CRKL: variants seen among roughly 807,000 people sequenced by gnomAD.
CRKL encodes the protein CRK like proto-oncogene, adaptor protein.
Under a neutral mutation model 23.0 loss-of-function variants are expected in CRKL, and 3 were observed. That is an observed-to-expected ratio of 0.13 (90% confidence interval 0.06 to 0.34). The LOEUF (loss-of-function observed/expected upper bound fraction) is 0.34, where lower values mean the gene tolerates loss of function less well. Among genes scored for constraint, CRKL ranks in the 10% least tolerant of loss-of-function variants. The pLI is 1.00. For missense variants in CRKL, 256 were observed against 394.5 expected (o/e 0.65, Z 2.97); for synonymous variants, 188 against 160.7 (o/e 1.17, Z -1.28).
intron 1 of CRKL, among the ~76,000 whole-genome samples, chr22:20,930,648 G>A (rs1921411451): frequency 6.7e-6 from 1 of 149,062 alleles, no homozygotes; most frequent in Non-Finnish European, 1.5e-5. Context: ...TCCCAGTGTT[G>A]GGATTACAGG....
intron 2 of CRKL, among the ~76,000 whole-genome samples, chr22:20,944,993 A>T: frequency 6.6e-6 from 1 of 151,244 alleles, no homozygotes; most frequent in African/African-American, 2.4e-5. Context: ...GCCTGGAATT[A>T]CTTTCTTTCT....
At position 20,932,972 on chromosome 22, in the gene CRKL, C is replaced by T. The variant is rs1049444497; in HGVS notation, c.312-807C>T. Among the ~76,000 whole-genome samples, 65 of 151,962 alleles carry T rather than the reference C, an allele frequency of 4.3e-4. 1 individual carries two copies. Among genetic ancestry groups the T allele is most frequent in the African/African-American group, 1.5e-3 (63 of 41,452 alleles). ...TTGCACATCTGTAATCTCAGCTACTCGGGAGGCTGAGGCAGAAAAATCACT... is the reference window on the plus strand; with the variant it reads ...TTGCACATCTGTAATCTCAGCTACTTGGGAGGCTGAGGCAGAAAAATCACT... On this transcript the variant is annotated intron_variant, in intron 1 of 2. Coordinates refer to ENST00000354336, the MANE Select transcript of CRKL (RefSeq NM_005207.4).
At chr22:20,939,233 C>CTTTTTTTTTTTTTTTTTTTTTTTTTTT (rs140538861) in intron 2 of CRKL, among the ~76,000 whole-genome samples, 1 of 75,150 alleles carries the variant, frequency 1.3e-5, no homozygotes, top group Non-Finnish European at 2.3e-5. Context: ...ACATAAGTTG[C>CTTTTTTTTTTTTTTTTTTTTTTTTTTT]TTTTTTTTTT....
chr22:20,950,730 A>C lies in CRKL; in HGVS notation c.*885A>C. On this transcript the variant is annotated 3_prime_UTR_variant, in exon 3 of 3. Coordinates refer to ENST00000354336, the MANE Select transcript of CRKL (RefSeq NM_005207.4). ...CGCCTGGCCTAGACTTGTGTGTTCTAAACAGGTTAAGTAGCAGGTTGGGTT... is the reference window on the plus strand; with the variant it reads ...CGCCTGGCCTAGACTTGTGTGTTCTCAACAGGTTAAGTAGCAGGTTGGGTT... 4.5e-6 allele frequency: 1 copy of C among 223,162 alleles called. No individual in the cohort carries two copies. The highest frequency in any genetic ancestry group is 1.8e-4 in the South Asian group (1 of 5,434). The allele number at this position is 223,162 out of a possible 1,614,324, so 13.8% of individuals were successfully genotyped here. A position where few individuals can be genotyped will look rare whatever the true frequency, so the allele number is the denominator to read the frequency against.
intron 2 of CRKL, among the ~76,000 whole-genome samples, chr22:20,944,139 C>CTTTTTTTTT (rs57177824): frequency 4.7e-5 from 5 of 105,858 alleles, no homozygotes; most frequent in Non-Finnish European, 7.4e-5. Flanking sequence ...GTAGTATTAG[C>CTTTTTTTTT]TTTTTTTTTT....
Position 20,952,026 on chromosome 22 carries a change from C to T in CRKL, c.*2181C>T, listed in dbSNP as rs1922298381. 4.4e-6 allele frequency: 1 copy of T among 224,970 alleles called. No homozygotes were observed. Among genetic ancestry groups the T allele is most frequent in the South Asian group, 1.8e-4 (1 of 5,450 alleles). The allele number at this position is 224,970 out of a possible 1,614,324, so 13.9% of individuals were successfully genotyped here. Reference sequence around the variant, plus strand: ...AGTGGCAGACATATCACAAGAGTCCCCAGACTCTGCCTAGAAACAGTGTTT... The same window carrying T: ...AGTGGCAGACATATCACAAGAGTCCTCAGACTCTGCCTAGAAACAGTGTTT... On this transcript the variant is annotated 3_prime_UTR_variant, in exon 3 of 3. Coordinates refer to ENST00000354336, the MANE Select transcript of CRKL (RefSeq NM_005207.4).
At chr22:20,937,430 C>A (rs770445841) in intron 2 of CRKL, among the ~76,000 whole-genome samples, 6 of 149,252 alleles carry the variant, frequency 4.0e-5, no homozygotes, top group Non-Finnish European at 1.5e-5. Flanking sequence ...GCCTGTTGAC[C>A]TCTGGCTCTA....
chr22:20,940,977 A>T (rs903181944), intron 2 of CRKL, among the ~76,000 whole-genome samples: 2 of 152,060 alleles, frequency 1.3e-5, no homozygotes, highest in Non-Finnish European at 2.9e-5. Flanking sequence ...TGGACTTTGT[A>T]TTGGACTCAT....
intron 1 of CRKL, among the ~76,000 whole-genome samples, chr22:20,933,538 G>A (rs1921542028): frequency 6.9e-6 from 1 of 144,282 alleles, no homozygotes; most frequent in Non-Finnish European, 1.5e-5. Context: ...CGTGGTAGTG[G>A]GCGCCTGTAA....
At chr22:20,930,874 G>A (rs1266045395) in intron 1 of CRKL, among the ~76,000 whole-genome samples, 2 of 150,232 alleles carry the variant, frequency 1.3e-5, no homozygotes, top group Non-Finnish European at 3.0e-5. Context: ...TAGAGAGACA[G>A]GGTTTCACCG....
chr22:20,927,230 G>A (rs1250176053), intron 1 of CRKL, among the ~76,000 whole-genome samples: 16 of 88,604 alleles, frequency 1.8e-4, no homozygotes, highest in Non-Finnish European at 2.5e-4. Flanking sequence ...TCGCTCTGTC[G>A]CCCAGGCTGA....
Position 20,951,906 on chromosome 22 carries a change from C to G in CRKL, c.*2061C>G, listed in dbSNP as rs189274432. 1 of 222,566 alleles carries G rather than the reference C, an allele frequency of 4.5e-6. No homozygotes were observed. The highest frequency in any genetic ancestry group is 9.0e-6 in the Non-Finnish European group (1 of 111,434). The allele number at this position is 222,566 out of a possible 1,614,324, so 13.8% of individuals were successfully genotyped here. ...CTTCCTTGCCAGTGAGAACGGTGAC[C>G]GCCTCCTGCTCTGCACGGTCTGCGG... On this transcript the variant is annotated 3_prime_UTR_variant, in exon 3 of 3. Coordinates refer to ENST00000354336, the MANE Select transcript of CRKL (RefSeq NM_005207.4).
At position 20,933,752 on chromosome 22, in the gene CRKL, T is replaced by G. The variant is rs1370615402; in HGVS notation, c.312-27T>G. 5.1e-6 allele frequency: 8 copies of G among 1,563,254 alleles called. No homozygotes were observed. In the Admixed American group the frequency reaches 1.5e-4, roughly 28 times the overall value. On this transcript the variant is annotated intron_variant, in intron 1 of 2. Transcript: ENST00000354336. ...ACTGGCTTAGAGTAAGATTTTTCTC[T>G]TAGAGTAATTTTCTTTCTCTCTTAA...
chr22:20,932,669 ATG>A (rs1481725017), intron 1 of CRKL, among the ~76,000 whole-genome samples: 1 of 152,124 alleles, frequency 6.6e-6, no homozygotes, highest in African/African-American at 2.4e-5. Flanking sequence ...GATGGAGTGT[ATG>A]TGTGTGTGTA....
At position 20,952,840 on chromosome 22, in the gene CRKL, A is replaced by C. The variant is rs1922329089; in HGVS notation, c.*2995A>C. On this transcript the variant is annotated 3_prime_UTR_variant, in exon 3 of 3. Coordinates refer to ENST00000354336, the MANE Select transcript of CRKL (RefSeq NM_005207.4). ...GTCAGCCATGTCTGTGCTGTGTGGA[A>C]CCACCTGATGACATGGTTAACGAGG... The C allele has an allele frequency of 4.3e-6, 1 of 231,836 alleles. No individual in the cohort carries two copies. Among genetic ancestry groups the C allele is most frequent in the African/African-American group, 2.2e-5 (1 of 45,274 alleles). 14.4% of individuals were successfully genotyped at this position (231,836 alleles called of 1,614,324 possible).
chr22:20,934,029 G>A lies in CRKL; in HGVS notation c.562G>A (p.Gly188Arg), dbSNP rs746219908. 8 of 1,614,030 alleles carry A rather than the reference G, an allele frequency of 5.0e-6. No individual in the cohort carries two copies. The highest frequency in any genetic ancestry group is 2.2e-5 in the South Asian group (2 of 91,082). The change falls in exon 2 of 3, where the codon GGA (glycine) becomes AGA (arginine). Residue 188 changes from glycine (G) to arginine (R), a missense_variant. Physicochemically the swap from Gly to Arg is moderately radical, Grantham distance 125. Coordinates refer to ENST00000354336, the MANE Select transcript of CRKL (RefSeq NM_005207.4). ...AAAGCTTGTGAGATCCTCACCACACGGAAAGCATGGAAATAGGAATTCCAA... is the reference window on the plus strand; with the variant it reads ...AAAGCTTGTGAGATCCTCACCACACAGAAAGCATGGAAATAGGAATTCCAA... ...VEKLVRSSPH[G>R]KHGNRNSNSY...
chr22:20,951,848 G>A lies in CRKL; in HGVS notation c.*2003G>A, dbSNP rs921592058. The A allele has an allele frequency of 9.0e-6, 2 of 222,436 alleles. No homozygotes were observed. Among genetic ancestry groups the A allele is most frequent in the Non-Finnish European group, 1.8e-5 (2 of 111,332 alleles). 13.8% of individuals were successfully genotyped at this position (222,436 alleles called of 1,614,324 possible). A position where few individuals can be genotyped will look rare whatever the true frequency, so the allele number is the denominator to read the frequency against. Reference sequence around the variant, plus strand: ...AAACTATCGCCATGGCTTCCCATCTGTGGTTTTCCTCTAAAAGCCTTGGAG... The same window carrying A: ...AAACTATCGCCATGGCTTCCCATCTATGGTTTTCCTCTAAAAGCCTTGGAG... On this transcript the variant is annotated 3_prime_UTR_variant, in exon 3 of 3. Transcript: ENST00000354336.
chr22:20,949,939 T>C lies in CRKL; in HGVS notation c.*94T>C, dbSNP rs769177194. The stretch of plus-strand genomic sequence containing the variant: ...ATTTTCTCTCATAGGCAAGTCACAC[T>C]GCATTGCCGAAGTCCAGCTTTCTGC... On this transcript the variant is annotated 3_prime_UTR_variant, in exon 3 of 3. Transcript: ENST00000354336. 1.3e-6 allele frequency: 2 copies of C among 1,482,760 alleles called. No homozygotes were observed. The highest frequency in any genetic ancestry group is 1.8e-6 in the Non-Finnish European group (2 of 1,115,096). The allele number at this position is 1,482,760 out of a possible 1,614,324, so 91.9% of individuals were successfully genotyped here.
chr22:20,940,336 A>G (rs1921825828), intron 2 of CRKL, among the ~76,000 whole-genome samples: 1 of 152,144 alleles, frequency 6.6e-6, no homozygotes, highest in Admixed American at 6.6e-5. Flanking sequence ...ACCATCTGTT[A>G]GCTAATCGCA....
Sources: allele counts gnomAD v4.1 joint callset (sites outside exome capture counted in the v4.1 genomes callset), GRCh38; gene constraint gnomAD v4.1.1; transcripts MANE v1.5; gene names NCBI Gene and HGNC (gene_info 2026-07-23, HGNC 2026-07-21).